Variants in INTS7 observed in about 807,000 individuals in gnomAD.
INTS7 encodes integrator complex subunit 7.
In INTS7, 46 loss-of-function variants were observed where a neutral mutation model predicts 109.2. The ratio of observed to expected loss-of-function variants is 0.42; its 90% CI spans 0.33 to 0.54. INTS7 has a LOEUF of 0.54. Among genes scored for constraint, INTS7 ranks in the 20% least tolerant of loss-of-function variants. INTS7 has a pLI of 0.07. For missense variants in INTS7, 929 were observed against 1,132.4 expected, an observed-to-expected ratio of 0.82 and a Z score of 2.58; for synonymous variants, 412 against 402.9, an observed-to-expected ratio of 1.02 and a Z score of -0.27.
chr1:212,012,994 A>G (rs556083911), intron 4 of INTS7, among the ~76,000 whole-genome samples: 1 of 152,358 alleles, frequency 6.6e-6, no homozygotes, highest in East Asian at 1.9e-4. Context: ...TGGCAGTGGT[A>G]ATCAGATGGT....
rs759166170 is a variant in INTS7 at position 211,960,737 on chromosome 1, A to T, written c.2183+5693T>A. Among the ~76,000 whole-genome samples the T allele has an allele frequency of 2.6e-5, 4 of 152,222 alleles. No homozygotes were observed. In the East Asian group the frequency reaches 5.8e-4, roughly 22 times the overall value. On this transcript the variant is annotated intron_variant, in intron 16 of 19. Coordinates refer to ENST00000366994, the MANE Select transcript of INTS7 (RefSeq NM_015434.4). The stretch of plus-strand genomic sequence containing the variant: ...AGCTTGAAGACTGGCTTTCTGAATA[A>T]GAGAGTAAGACAAGAATAGAGAAAA...
intron 10 of INTS7, among the ~76,000 whole-genome samples, chr1:211,980,019 A>T (rs1402125649): frequency 6.6e-6 from 1 of 152,164 alleles, no homozygotes; most frequent in African/African-American, 2.4e-5. Context: ...TTTCTTGGCC[A>T]TCTATGTATG....
In INTS7 at chr1:211,941,972, T is replaced by A. The variant is rs189171369; in HGVS notation, c.2741A>T (p.Asn914Ile). ...GGGACCAGTCTTCCATACTATACCA[T>A]TGGCATCTTTCACAGAAGATTCCAC... ...ITVESSVKDANGIVWKTGPRT... is the reference protein window; with the variant it reads ...ITVESSVKDAIGIVWKTGPRT... Residue 914 changes from asparagine to isoleucine, a missense_variant, in exon 20 of 20, where the codon AAT becomes ATT. Asn to Ile is a moderately radical substitution (Grantham distance 149). Transcript: ENST00000366994. 3 of 1,614,100 alleles carry A rather than the reference T, an allele frequency of 1.9e-6. No homozygotes were observed. In the African/African-American group the frequency reaches 4.0e-5, roughly 22 times the overall value.
In INTS7 at chr1:211,988,047, T is replaced by C. The variant is rs764446463; in HGVS notation, c.880-44A>G. On this transcript the variant is annotated intron_variant, in intron 7 of 19. Transcript: ENST00000366994. ...ATGAATATAGAAGTTAAAACATCAA[T>C]ATACTTCTAAACTGTCTACTCCATT... 5.2e-6 allele frequency: 5 copies of C among 967,350 alleles called. No homozygotes were observed. In the South Asian group the frequency reaches 7.1e-5, roughly 14 times the overall value. The allele number at this position is 967,350 out of a possible 1,614,324, so 59.9% of individuals were successfully genotyped here. A position where few individuals can be genotyped will look rare whatever the true frequency, so the allele number is the denominator to read the frequency against.
chr1:211,963,059 A>G (rs1308277994), intron 16 of INTS7, among the ~76,000 whole-genome samples: 1 of 152,208 alleles, frequency 6.6e-6, no homozygotes, highest in African/African-American at 2.4e-5. Context: ...AAAATTCAAA[A>G]GATCAACAAA....
chr1:211,991,222 T>C (rs1665129750), intron 7 of INTS7, among the ~76,000 whole-genome samples: 1 of 152,176 alleles, frequency 6.6e-6, no homozygotes, highest in Admixed American at 6.5e-5. Context: ...GGATGAGATA[T>C]GAAGTCCAAG....
At chr1:212,033,009 G>A (rs899353811) in intron 1 of INTS7, among the ~76,000 whole-genome samples, 2 of 152,080 alleles carry the variant, frequency 1.3e-5, no homozygotes, top group Non-Finnish European at 2.9e-5. Flanking sequence ...TAACTGTCAC[G>A]TTTGCTATAT....
chr1:211,966,573 T>G, intron 15 of INTS7, 75 bp from the exon 16 acceptor site: 1 of 871,902 alleles, frequency 1.1e-6, no homozygotes, highest in South Asian at 1.5e-5. Context: ...GAATACTAAA[T>G]TGGTCAAGAT....
intron 16 of INTS7, among the ~76,000 whole-genome samples, chr1:211,955,807 C>T (rs913593694): frequency 6.6e-6 from 1 of 152,206 alleles, no homozygotes; most frequent in African/African-American, 2.4e-5. Flanking sequence ...CATACATTCA[C>T]AGAGCTAGGA....
intron 16 of INTS7, among the ~76,000 whole-genome samples, chr1:211,956,154 G>A (rs571570712): frequency 6.6e-6 from 1 of 152,208 alleles, no homozygotes; most frequent in African/African-American, 2.4e-5. Context: ...ACAATCTGTT[G>A]AAAAGACTAT....
At chr1:212,015,679 C>A (rs1237785456) in intron 4 of INTS7, among the ~76,000 whole-genome samples, 2 of 130,728 alleles carry the variant, frequency 1.5e-5, no homozygotes, top group African/African-American at 2.9e-5. Flanking sequence ...TCCCTCTCTC[C>A]GAGAAACACC....
At chr1:211,954,325 A>G (rs1433126558) in intron 16 of INTS7, among the ~76,000 whole-genome samples, 1 of 151,746 alleles carries the variant, frequency 6.6e-6, no homozygotes, top group East Asian at 1.9e-4. Flanking sequence ...GGTTGCGAAA[A>G]TTTTCTCCCA....
chr1:212,029,939 A>C (rs186222396), intron 1 of INTS7, among the ~76,000 whole-genome samples: 114 of 152,368 alleles, frequency 7.5e-4, no homozygotes, highest in African/African-American at 2.5e-3. Flanking sequence ...GTGAAAACTA[A>C]TGATGCATTA....
chr1:211,946,796 T>C lies in INTS7; in HGVS notation c.2317-91A>G. 1.3e-6 allele frequency: 1 copy of C among 775,494 alleles called. No homozygotes were observed. Among genetic ancestry groups the C allele is most frequent in the Non-Finnish European group, 2.1e-6 (1 of 475,276 alleles). The allele number at this position is 775,494 out of a possible 1,614,324, so 48.0% of individuals were successfully genotyped here. On this transcript the variant is annotated intron_variant, in intron 17 of 19. Transcript: ENST00000366994. This position sits in a 1 kb window ranked among gnomAD's most constrained non-coding sequence, Gnocchi z 4.3. ...TTCAGTATAAAACTACAAATGCCCA[T>C]ATAGATTATTACAAAGGTACATACC...
At chr1:211,971,274 C>A (rs1316616523) in intron 13 of INTS7, among the ~76,000 whole-genome samples, 1 of 152,172 alleles carries the variant, frequency 6.6e-6, no homozygotes, top group Non-Finnish European at 1.5e-5. Flanking sequence ...ATAAAACCAT[C>A]CCTGGTTGAG....
intron 1 of INTS7, chr1:212,025,724 C>T (rs1666888530): frequency 6.4e-6 from 1 of 155,354 alleles, no homozygotes; most frequent in Admixed American, 6.5e-5. Flanking sequence ...GAATGAATAC[C>T]TTGGTAAGGA....
rs767136399 is a variant in INTS7 at position 212,008,213 on chromosome 1, T to C, written c.557-764A>G. On this transcript the variant is annotated intron_variant, in intron 5 of 19. Coordinates refer to ENST00000366994, the MANE Select transcript of INTS7 (RefSeq NM_015434.4). ...ATAAACTCCCTTGCTAGATGGCCTC[T>C]ACTTGGGTTTGCCAGAGGGAAAAGA... Among the ~76,000 whole-genome samples the C allele has an allele frequency of 5.7e-4, 86 of 152,176 alleles. 1 individual carries two copies. Among genetic ancestry groups the C allele is most frequent in the Non-Finnish European group, 1.3e-4 (9 of 68,032 alleles).
At chr1:212,023,257 G>C (rs1217111752) in intron 1 of INTS7, among the ~76,000 whole-genome samples, 1 of 152,124 alleles carries the variant, frequency 6.6e-6, no homozygotes, top group Non-Finnish European at 1.5e-5. Context: ...ATTTTCCTTT[G>C]TGTATATATC....
chr1:211,969,447 G>A (rs922369828), intron 13 of INTS7, among the ~76,000 whole-genome samples: 2 of 151,688 alleles, frequency 1.3e-5, no homozygotes, highest in Non-Finnish European at 2.9e-5. Context: ...ATAAGGGCAG[G>A]AGGAATATGT....
Sources: allele counts gnomAD v4.1 joint callset (sites outside exome capture counted in the v4.1 genomes callset), GRCh38; gene constraint gnomAD v4.1.1; non-coding constraint Gnocchi (gnomAD v3.1); transcripts MANE v1.5; gene names NCBI Gene and HGNC (gene_info 2026-07-23, HGNC 2026-07-21).